CNBP: variants seen among roughly 807,000 people sequenced by gnomAD.
CNBP encodes CCHC-type zinc finger nucleic acid binding protein, also known as cellular nucleic acid-binding protein.
In CNBP, 6 loss-of-function variants were observed where a neutral mutation model predicts 21.2. The observed-to-expected ratio is 0.28, with a 90% CI of 0.16 to 0.56. The LOEUF (loss-of-function observed/expected upper bound fraction) is 0.56, where lower values mean the gene tolerates loss of function less well. CNBP is among the 20% of genes least tolerant of loss of function. The pLI is 0.93. For missense variants in CNBP, 112 were observed against 233.1 expected (o/e 0.48, Z 3.38); for synonymous variants, 61 against 74.9 (o/e 0.81, Z 0.96).
In CNBP at chr3:129,168,122, T is replaced by C. The variant is rs540459900; in HGVS notation, c.*2331A>G. ...CACACAGCAGCATGGAGGGGGAAAA[T>C]GAACTATATGATGCTAACCGCATTT... is the stretch of plus-strand genomic sequence containing the variant. On this transcript the variant is annotated 3_prime_UTR_variant, in exon 5 of 5. Coordinates refer to ENST00000422453, the MANE Select transcript of CNBP (RefSeq NM_003418.5). Among the ~76,000 whole-genome samples the C allele has an allele frequency of 2.6e-5, 4 of 152,180 alleles. No homozygotes were observed. In the South Asian group the frequency reaches 8.3e-4, roughly 32 times the overall value.
rs1228376707 is a variant in CNBP at position 129,172,683 on chromosome 3, G to C, written c.-14-912C>G. On this transcript the variant is annotated intron_variant, in intron 1 of 4. Transcript: ENST00000422453. ...AGACAGACAGACAGACAGACAGACA[G>C]ACAGACAGACAGACACACACACACA... 7.7e-3 allele frequency among the ~76,000 whole-genome samples: 740 copies of C among 95,550 alleles called. 5 individuals carry two copies. The highest frequency in any genetic ancestry group is 0.011 in the Non-Finnish European group (475 of 43,872). 62.7% of individuals were successfully genotyped at this position (95,550 alleles called of 152,430 possible). A position where few individuals can be genotyped will look rare whatever the true frequency, so the allele number is the denominator to read the frequency against.
In CNBP at chr3:129,183,831, G is replaced by A. The variant is rs1294235094; in HGVS notation, c.-70C>T. 1 of 152,870 alleles carries A rather than the reference G, an allele frequency of 6.5e-6. No individual in the cohort carries two copies. The highest frequency in any genetic ancestry group is 6.5e-5 in the Admixed American group (1 of 15,294). 9.5% of individuals were successfully genotyped at this position (152,870 alleles called of 1,614,324 possible). On this transcript the variant is annotated 5_prime_UTR_variant, in exon 1 of 5. Coordinates refer to ENST00000422453, the MANE Select transcript of CNBP (RefSeq NM_003418.5). ...GAGACTCGGACGCAGGCCTGGGGAA[G>A]ACGGCTCGCAAGGTAGAGGCTGTTT...
At chr3:129,179,417 C>T (rs931076471) in intron 1 of CNBP, among the ~76,000 whole-genome samples, 2 of 152,194 alleles carry the variant, frequency 1.3e-5, no homozygotes. Context: ...CCTGAACTTA[C>T]TGCTTGACCT....
At chr3:129,179,410 G>C (rs1560040471) in intron 1 of CNBP, among the ~76,000 whole-genome samples, 1 of 152,184 alleles carries the variant, frequency 6.6e-6, no homozygotes, top group Non-Finnish European at 1.5e-5. Context: ...CCTGGTTCCT[G>C]AACTTACTGC....
chr3:129,179,142 T>C (rs1938117637), intron 1 of CNBP, among the ~76,000 whole-genome samples: 1 of 152,026 alleles, frequency 6.6e-6, no homozygotes, highest in African/African-American at 2.4e-5. Flanking sequence ...CCGGGTGTGG[T>C]GGCCCGTGCC....
Position 129,167,900 on chromosome 3 carries a change from A to T in CNBP, c.*2553T>A, listed in dbSNP as rs1284282545. On this transcript the variant is annotated 3_prime_UTR_variant, in exon 5 of 5. Transcript: ENST00000422453. Reference sequence around the variant, plus strand: ...GCTCAGTAAAAATAGCACATGAAAAAATATTATAAGCTTATATTCATAAAG... The same window carrying T: ...GCTCAGTAAAAATAGCACATGAAAATATATTATAAGCTTATATTCATAAAG... Among the ~76,000 whole-genome samples, 1 of 152,224 alleles carries T rather than the reference A, an allele frequency of 6.6e-6. No homozygotes were observed. Among genetic ancestry groups the T allele is most frequent in the Non-Finnish European group, 1.5e-5 (1 of 68,044 alleles).
chr3:129,182,067 A>C (rs181365732), intron 1 of CNBP, among the ~76,000 whole-genome samples: 43 of 152,252 alleles, frequency 2.8e-4, no homozygotes, highest in African/African-American at 1.0e-3. Context: ...TAAGTACTAT[A>C]TCTCTTATCT....
chr3:129,174,092 G>A (rs1280156622), intron 1 of CNBP, among the ~76,000 whole-genome samples: 1 of 152,032 alleles, frequency 6.6e-6, no homozygotes, highest in East Asian at 1.9e-4. Context: ...TAAATTCTTA[G>A]AGAAATCTTT....
intron 1 of CNBP, among the ~76,000 whole-genome samples, chr3:129,181,832 G>A (rs992236055): frequency 4.6e-5 from 7 of 151,774 alleles, no homozygotes; most frequent in African/African-American, 7.3e-5. Flanking sequence ...AGATGAAATC[G>A]GAAAAACTTA....
intron 1 of CNBP, among the ~76,000 whole-genome samples, chr3:129,176,461 C>T (rs1178145673): frequency 2.6e-5 from 4 of 152,246 alleles, no homozygotes; most frequent in African/African-American, 7.2e-5. Flanking sequence ...TTTGAATCAT[C>T]GAACACCCCA....
intron 1 of CNBP, among the ~76,000 whole-genome samples, chr3:129,181,512 G>A (rs1938290786): frequency 6.6e-6 from 1 of 151,424 alleles, no homozygotes; most frequent in African/African-American, 2.4e-5. Context: ...CTAGCTGGGT[G>A]TGGCGGCGGG....
chr3:129,172,604 GCAGACAGGCAGACAGGCAGC>G (rs1200143101), intron 1 of CNBP, among the ~76,000 whole-genome samples: 137 of 34,454 alleles, frequency 4.0e-3, no homozygotes, highest in Middle Eastern at 0.03. Flanking sequence ...AGGCAGGCAG[GCAGACAGGCAGACAGGCAGC>G]CAGGCAGGCA....
chr3:129,170,933 C>A, intron 4 of CNBP, 146 bp downstream of exon 4: 1 of 749,148 alleles, frequency 1.3e-6, no homozygotes. Flanking sequence ...TACAGATAGA[C>A]TGCCAGTTAC....
In CNBP at chr3:129,168,158, TG is replaced by T. The variant is rs956962949; in HGVS notation, c.*2294del. 1.3e-5 allele frequency among the ~76,000 whole-genome samples: 2 copies of T among 151,892 alleles called. No individual in the cohort carries two copies. Among genetic ancestry groups the T allele is most frequent in the African/African-American group, 2.4e-5 (1 of 41,360 alleles). On this transcript the variant is annotated 3_prime_UTR_variant, in exon 5 of 5. Transcript: ENST00000422453. The stretch of plus-strand genomic sequence containing the variant: ...ATGCTAACCGCATTTAATTTCGAAG[TG>T]GGGGGAAACAGGGCATGGGGAGTGA...
chr3:129,173,802 G>A (rs1241455813), intron 1 of CNBP, among the ~76,000 whole-genome samples: 1 of 152,072 alleles, frequency 6.6e-6, no homozygotes, highest in African/African-American at 2.4e-5. Flanking sequence ...TCAAACCTAA[G>A]CACAGGCACC....
At chr3:129,172,783 T>C (rs1435842142) in intron 1 of CNBP, among the ~76,000 whole-genome samples, 1 of 151,266 alleles carries the variant, frequency 6.6e-6, no homozygotes, top group Non-Finnish European at 1.5e-5. Context: ...ATGGACACAT[T>C]TGCATGGTTA....
At chr3:129,172,749 T>G (rs1282048350) in intron 1 of CNBP, among the ~76,000 whole-genome samples, 3 of 146,634 alleles carry the variant, frequency 2.0e-5, no homozygotes, top group South Asian at 4.4e-4. Flanking sequence ...GTAATACTCA[T>G]TCACTCATTC....
chr3:129,171,770 A>T lies in CNBP; in HGVS notation c.-13T>A. On this transcript the variant is annotated splice_region_variant and 5_prime_UTR_variant, in exon 2 of 5. Coordinates refer to ENST00000422453, the MANE Select transcript of CNBP (RefSeq NM_003418.5). ...CATTGCTGCTCATGGCTGCAGTCAG[A>T]TCTTTGAAATATTAAAAGTAACAGC... 1 of 1,609,398 alleles carries T rather than the reference A, an allele frequency of 6.2e-7. No homozygotes were observed. The highest frequency in any genetic ancestry group is 8.5e-7 in the Non-Finnish European group (1 of 1,178,014).
intron 1 of CNBP, among the ~76,000 whole-genome samples, chr3:129,177,252 TTG>T (rs754775372): frequency 6.6e-6 from 1 of 152,224 alleles, no homozygotes; most frequent in Non-Finnish European, 1.5e-5. Flanking sequence ...TTCCTTGGGT[TTG>T]TGTTTTCTCT....
Sources: gnomAD v4.1 joint callset for allele counts (sites outside exome capture counted in the v4.1 genomes callset) on GRCh38, gnomAD v4.1.1 for gene constraint, MANE v1.5 for transcripts, NCBI Gene and HGNC (gene_info 2026-07-23, HGNC 2026-07-21) for gene names.